ILDR2: variants seen among roughly 807,000 people sequenced by gnomAD.
ILDR2 encodes the protein immunoglobulin like domain containing receptor 2, also known as immunoglobulin-like domain-containing receptor 2.
A neutral mutation model predicts 66.8 loss-of-function variants in ILDR2; 25 were observed. The ratio of observed to expected loss-of-function variants is 0.37; its 90% CI spans 0.27 to 0.52. ILDR2 has a LOEUF of 0.52. Among genes scored for constraint, ILDR2 ranks in the 20% least tolerant of loss-of-function variants. The pLI, the probability that ILDR2 is intolerant of heterozygous loss-of-function variation, is 0.88. For missense variants in ILDR2, 827 were observed against 876.8 expected, an observed-to-expected ratio of 0.94 and a Z score of 0.72; for synonymous variants, 367 against 357.2, an observed-to-expected ratio of 1.03 and a Z score of -0.31.
rs201864196 is a variant in ILDR2, at chr1:166,922,647, C to A, written c.1157G>T (p.Arg386Leu). The change falls in exon 8 of 10, where the codon CGC becomes CTC. Residue 386 changes from arginine (R) to leucine (L), a missense_variant. Arg to Leu is a moderately radical substitution (Grantham distance 102). This residue lies in a region of ILDR2 where 437 missense variants were observed against 523.2 expected (regional missense o/e 0.84). Transcript: ENST00000271417. ...GTTATACTCCATGGCTGAGGGCCCG[C>A]GGCTTGCCCCACTGCTGCCTCCCAT... Reference protein sequence around the residue: ...GVMGGSSGASRGPSAMEYNKE... With the variant: ...GVMGGSSGASLGPSAMEYNKE... 2 of 1,614,174 alleles carry A rather than the reference C, an allele frequency of 1.2e-6. No individual in the cohort carries two copies. The highest frequency in any genetic ancestry group is 1.7e-5 in the Admixed American group (1 of 60,026).
At chr1:166,946,967 C>T (rs190919962) in intron 3 of ILDR2, among the ~76,000 whole-genome samples, 1 of 152,294 alleles carries the variant, frequency 6.6e-6, no homozygotes, top group Admixed American at 6.5e-5. Flanking sequence ...TCACTGAATA[C>T]ATCATAACAC....
intron 3 of ILDR2, among the ~76,000 whole-genome samples, chr1:166,950,379 G>A (rs900831468): frequency 2.6e-5 from 4 of 152,124 alleles, no homozygotes; most frequent in African/African-American, 9.7e-5. Flanking sequence ...CTTGGTTAGC[G>A]GCACCAGGCT....
At chr1:166,902,106 C>T (rs1571255263) in intron 2 of ILDR2, among the ~76,000 whole-genome samples, 2 of 152,332 alleles carry the variant, frequency 1.3e-5, no homozygotes, top group South Asian at 2.1e-4. Context: ...GTGATACACC[C>T]GCCTTGGCCT....
chr1:166,924,466 T>A (rs1420541067), intron 7 of ILDR2, among the ~76,000 whole-genome samples: 1 of 152,204 alleles, frequency 6.6e-6, no homozygotes, highest in African/African-American at 2.4e-5. Flanking sequence ...ATTGTCTAAG[T>A]TGTATATTGT....
At chr1:166,926,952 C>T (rs1660337199) in intron 7 of ILDR2, 115 bp downstream of exon 7, 1 of 621,718 alleles carries the variant, frequency 1.6e-6, no homozygotes, top group Non-Finnish European at 2.8e-6. Flanking sequence ...ACCAGCACCC[C>T]TGCTAATTCT....
chr1:166,931,327 T>C (rs1660627819), intron 6 of ILDR2, among the ~76,000 whole-genome samples: 1 of 152,210 alleles, frequency 6.6e-6, no homozygotes, highest in Non-Finnish European at 1.5e-5. Context: ...CCTATCTTAA[T>C]AAGCTAAGTA....
intron 2 of ILDR2, among the ~76,000 whole-genome samples, chr1:166,901,124 G>A (rs1482572732): frequency 2.0e-5 from 3 of 152,208 alleles, no homozygotes; most frequent in African/African-American, 4.8e-5. Context: ...TGGTGGCCTG[G>A]AAGTATAGTC....
At chr1:166,969,641 G>A (rs1008741980) in intron 1 of ILDR2, among the ~76,000 whole-genome samples, 2 of 152,070 alleles carry the variant, frequency 1.3e-5, no homozygotes, top group South Asian at 2.1e-4. Context: ...AAAACTAACT[G>A]CCATTCTTTC....
At chr1:166,932,440 G>A (rs982085316) in intron 6 of ILDR2, among the ~76,000 whole-genome samples, 7 of 152,222 alleles carry the variant, frequency 4.6e-5, no homozygotes, top group Non-Finnish European at 8.8e-5. Context: ...TTTGTGAATT[G>A]TTGTATTTTA....
At chr1:166,946,439 G>A (rs970637523) in intron 3 of ILDR2, among the ~76,000 whole-genome samples, 2 of 152,070 alleles carry the variant, frequency 1.3e-5, no homozygotes, top group African/African-American at 4.8e-5. Flanking sequence ...ACTAGTATTG[G>A]ACCATCTACA....
chr1:166,940,072 T>C (rs749229177), intron 3 of ILDR2, among the ~76,000 whole-genome samples: 23 of 152,238 alleles, frequency 1.5e-4, no homozygotes, highest in Non-Finnish European at 2.6e-4. Flanking sequence ...ATTAAAATTT[T>C]CAAAGGCAAG....
At chr1:166,906,036 A>G (rs1659337443), downstream of ILDR2, among the ~76,000 whole-genome samples, 1 of 152,200 alleles carries the variant, frequency 6.6e-6, no homozygotes, top group East Asian at 1.9e-4. Context: ...GACTGAGATC[A>G]TTTGTACTGG....
chr1:166,960,160 A>T (rs1006756798), intron 1 of ILDR2, among the ~76,000 whole-genome samples: 7 of 152,232 alleles, frequency 4.6e-5, no homozygotes, highest in Non-Finnish European at 1.0e-4. Context: ...GTAGGTCCTA[A>T]TTCCTGTTGG....
intron 7 of ILDR2, among the ~76,000 whole-genome samples, chr1:166,925,089 C>T (rs1660198508): frequency 6.6e-6 from 1 of 152,092 alleles, no homozygotes; most frequent in Non-Finnish European, 1.5e-5. Context: ...ACTTCCCAGA[C>T]TAAAAACATC....
At chr1:166,923,474 C>G (rs1396852401) in intron 7 of ILDR2, among the ~76,000 whole-genome samples, 8 of 152,232 alleles carry the variant, frequency 5.3e-5, no homozygotes, top group Admixed American at 4.6e-4. Flanking sequence ...TCAAGTAGCA[C>G]CAAGCCTACT....
chr1:166,944,988 T>TG lies in ILDR2; in HGVS notation c.500-5419dup, dbSNP rs1414284652. On this transcript the variant is annotated intron_variant, in intron 3 of 9. Transcript: ENST00000271417. ...GCACCTCACCCACCCATCAGGAACTTGAAGTGTTTCCAATAGCAAATCCCC... is the reference window on the plus strand; with the variant it reads ...GCACCTCACCCACCCATCAGGAACTTGGAAGTGTTTCCAATAGCAAATCCCC... 2.6e-5 allele frequency among the ~76,000 whole-genome samples: 4 copies of TG among 152,188 alleles called. No individual in the cohort carries two copies. In the South Asian group the frequency reaches 8.3e-4, roughly 32 times the overall value.
chr1:166,926,979 G>C (rs1660338987), intron 7 of ILDR2, 88 bp downstream of exon 7: 8 of 819,582 alleles, frequency 9.8e-6, no homozygotes, highest in Non-Finnish European at 1.6e-5. Context: ...GCAAGCTCAG[G>C]GCTGCCCAAG....
At chr1:166,973,617 C>A (rs906459900) in intron 1 of ILDR2, among the ~76,000 whole-genome samples, 5 of 109,494 alleles carry the variant, frequency 4.6e-5, no homozygotes, top group African/African-American at 2.3e-4. Flanking sequence ...ACCCCTCCCC[C>A]CCCCCCCCGA....
chr1:166,902,386 A>G (rs1571255357), intron 2 of ILDR2, among the ~76,000 whole-genome samples: 1 of 152,230 alleles, frequency 6.6e-6, no homozygotes, highest in Non-Finnish European at 1.5e-5. Context: ...TGCAACAGCT[A>G]TGACTCAGAG....
Sources: gnomAD v4.1 joint callset for allele counts (sites outside exome capture counted in the v4.1 genomes callset) on GRCh38, gnomAD v4.1.1 for gene constraint, gnomAD v4.1.1 regional missense constraint, MANE v1.5 for transcripts, NCBI Gene and HGNC (gene_info 2026-07-23, HGNC 2026-07-21) for gene names.